CILK1: variants seen among roughly 807,000 people sequenced by gnomAD.
CILK1 encodes the protein ciliogenesis associated kinase 1.
A neutral mutation model predicts 79.2 loss-of-function variants in CILK1; 47 were observed. The observed-to-expected ratio is 0.59, with a 90% CI of 0.47 to 0.76. The LOEUF is 0.76. Among genes scored for constraint, CILK1 ranks in the 30% least tolerant of loss-of-function variants. CILK1 has a pLI of 0.00. For missense variants in CILK1, 660 were observed against 769.5 expected, an observed-to-expected ratio of 0.86 and a Z score of 1.68; for synonymous variants, 266 against 275.9, an observed-to-expected ratio of 0.96 and a Z score of 0.36.
At chr6:53,012,269 T>G in intron 9 of CILK1, 42 bp from the exon 10 acceptor site, 1 of 1,572,388 alleles carries the variant, frequency 6.4e-7, no homozygotes, top group Non-Finnish European at 8.7e-7. Context: ...TACTTGGCAT[T>G]AACAGAACTC....
rs1447479896 is a variant in CILK1, at chr6:53,019,228, A to G, written c.490T>C (p.Trp164Arg). The change falls in exon 6 of 14, where the codon TGG becomes CGG. Residue 164 changes from tryptophan (W) to arginine (R), a missense_variant and splice_region_variant. Transcript: ENST00000676107. ...PPYTDYVSTR[W>R]YRAPEVLLRS... ...AATTTTGAGAAAAATGGTATTCACC[A>G]TCTGGTAGATACATAATCTGTATAT... 3 of 1,613,618 alleles carry G rather than the reference A, an allele frequency of 1.9e-6. No individual in the cohort carries two copies. The highest frequency in any genetic ancestry group is 8.5e-7 in the Non-Finnish European group (1 of 1,179,506).
chr6:53,027,512 C>T (rs968896023), intron 5 of CILK1, among the ~76,000 whole-genome samples: 6 of 152,210 alleles, frequency 3.9e-5, no homozygotes, highest in African/African-American at 9.6e-5. Context: ...GTCTACCCCC[C>T]AGAGGCAGAA....
rs562799281 is a variant in CILK1 at position 53,015,686 on chromosome 6, G to T, written c.831+397C>A. Among the ~76,000 whole-genome samples, 37 of 152,330 alleles carry T rather than the reference G, an allele frequency of 2.4e-4. No individual in the cohort carries two copies. In the East Asian group the frequency reaches 6.6e-3, roughly 27 times the overall value. ...TCATCTGTCAATCTCTTCAGGTTAT[G>T]AGTCAGTTGGACTTTTACATAATAT... On this transcript the variant is annotated intron_variant, in intron 8 of 13. Coordinates refer to ENST00000676107, the MANE Select transcript of CILK1 (RefSeq NM_014920.5).
chr6:53,033,144 C>T (rs942624381), intron 3 of CILK1, among the ~76,000 whole-genome samples: 6 of 152,208 alleles, frequency 3.9e-5, no homozygotes, highest in African/African-American at 1.4e-4. Context: ...TTTTGTCTGA[C>T]TCATGTATGT....
intron 11 of CILK1, among the ~76,000 whole-genome samples, chr6:53,011,463 G>A (rs1049113078): frequency 2.6e-5 from 4 of 152,178 alleles, no homozygotes; most frequent in Non-Finnish European, 4.4e-5. Flanking sequence ...GCCAGGCATG[G>A]TGGTGGGCAC....
At chr6:53,057,788 A>G (rs1222387250) in intron 1 of CILK1, 1 of 152,210 alleles carries the variant, frequency 6.6e-6, no homozygotes, top group Non-Finnish European at 1.5e-5. Flanking sequence ...GAAGAACAGA[A>G]TACTTGCTAT....
chr6:53,024,220 G>A (rs1765426854), intron 5 of CILK1, among the ~76,000 whole-genome samples: 1 of 152,084 alleles, frequency 6.6e-6, no homozygotes, highest in Non-Finnish European at 1.5e-5. Flanking sequence ...ACAATTCCTT[G>A]AAATATCCTA....
At chr6:53,019,129 G>T in intron 6 of CILK1, 98 bp downstream of exon 6, 1 of 1,173,976 alleles carries the variant, frequency 8.5e-7, no homozygotes, top group Non-Finnish European at 1.3e-6. Flanking sequence ...GTTTCTCTTA[G>T]TGAAAAGTTA....
intron 5 of CILK1, among the ~76,000 whole-genome samples, chr6:53,021,762 A>G (rs1356224704): frequency 6.6e-6 from 1 of 151,624 alleles, no homozygotes; most frequent in Admixed American, 6.6e-5. Context: ...TATACTTTTA[A>G]TCATTATTTT....
At chr6:53,051,531 G>A (rs1767483408) in intron 1 of CILK1, among the ~76,000 whole-genome samples, 1 of 152,170 alleles carries the variant, frequency 6.6e-6, no homozygotes, top group Admixed American at 6.5e-5. Context: ...CATCACCCCA[G>A]TCTCTGCCTC....
Position 53,013,892 on chromosome 6 carries a change from G to A in CILK1, c.922C>T (p.Leu308=). The change falls in exon 9 of 14, where the codon CTG becomes TTG. Residue 308 remains leucine (L), a synonymous_variant. Coordinates refer to ENST00000676107, the MANE Select transcript of CILK1 (RefSeq NM_014920.5). ...QDSEKPQKGI[L]EKAGPPPYIK... is the part of the protein sequence containing the mutation. ...TAAGGAGGTGGGCCTGCCTTTTCCAGGATGCCTTTCTGTGGTTTTTCTGAA... is the reference window on the plus strand; with the variant it reads ...TAAGGAGGTGGGCCTGCCTTTTCCAAGATGCCTTTCTGTGGTTTTTCTGAA... The A allele has an allele frequency of 6.2e-7, 1 of 1,614,082 alleles. No homozygotes were observed. Among genetic ancestry groups the A allele is most frequent in the South Asian group, 1.1e-5 (1 of 91,088 alleles).
chr6:53,046,053 G>T (rs1387885077), intron 1 of CILK1, among the ~76,000 whole-genome samples: 1 of 152,152 alleles, frequency 6.6e-6, no homozygotes, highest in Non-Finnish European at 1.5e-5. Flanking sequence ...GTTTTCTGTG[G>T]ATATAACGAA....
intron 5 of CILK1, among the ~76,000 whole-genome samples, chr6:53,025,771 A>C (rs1407151867): frequency 6.6e-6 from 1 of 152,212 alleles, no homozygotes; most frequent in Non-Finnish European, 1.5e-5. Context: ...CAATATAACA[A>C]ATTTGTGAAT....
intron 7 of CILK1, among the ~76,000 whole-genome samples, chr6:53,017,171 T>C (rs1297881942): frequency 2.0e-5 from 3 of 152,174 alleles, no homozygotes; most frequent in Non-Finnish European, 4.4e-5. Context: ...GAAACTTTCT[T>C]GAAGAGGTGG....
intron 1 of CILK1, among the ~76,000 whole-genome samples, chr6:53,057,026 A>C (rs559455181): frequency 2.9e-4 from 44 of 152,344 alleles, no homozygotes; most frequent in African/African-American, 1.0e-3. Flanking sequence ...CCTTTGTCTT[A>C]GTTAAATCAT....
intron 1 of CILK1, among the ~76,000 whole-genome samples, chr6:53,057,164 G>T (rs917380211): frequency 6.6e-6 from 1 of 152,052 alleles, no homozygotes; most frequent in African/African-American, 2.4e-5. Context: ...ACGTATTTGG[G>T]CATTATACAA....
chr6:53,041,109 A>G, intron 2 of CILK1, 27 bp downstream of exon 2: 1 of 1,444,878 alleles, frequency 6.9e-7, no homozygotes, highest in South Asian at 1.1e-5. Context: ...AGTTAAAATT[A>G]TCATGGCAGT....
At chr6:53,042,413 C>T (rs1480570548) in intron 1 of CILK1, among the ~76,000 whole-genome samples, 1 of 152,180 alleles carries the variant, frequency 6.6e-6, no homozygotes, top group Non-Finnish European at 1.5e-5. Flanking sequence ...CTACAATTAA[C>T]AATGTAAACA....
At chr6:53,031,261 T>C in intron 4 of CILK1, 117 bp from the exon 5 acceptor site, 1 of 686,746 alleles carries the variant, frequency 1.5e-6, no homozygotes, top group South Asian at 1.7e-5. Context: ...CCAAATATAG[T>C]CACATGTTAC....
Sources: gnomAD v4.1 joint callset for allele counts (sites outside exome capture counted in the v4.1 genomes callset) on GRCh38, gnomAD v4.1.1 for gene constraint, MANE v1.5 for transcripts, NCBI Gene and HGNC (gene_info 2026-07-23, HGNC 2026-07-21) for gene names.